The following BCL2L13 variants were observed in gnomAD, a reference collection of about 807,000 sequenced individuals.
BCL2L13 encodes BCL2 like 13, also known as bcl-2-like protein 13.
A neutral mutation model predicts 25.8 loss-of-function variants in BCL2L13; 13 were observed. That is an observed-to-expected ratio of 0.50 (90% CI 0.33 to 0.80). BCL2L13 has a LOEUF of 0.80. Ranked by LOEUF, BCL2L13 falls within the 30% of genes least tolerant of loss-of-function variation. The probability of loss-of-function intolerance (pLI) is 0.02; values close to 1 mark genes in which losing one functional copy is unlikely to be tolerated. For synonymous variants in BCL2L13, 244 were observed against 230.3 expected, an observed-to-expected ratio of 1.06 and a Z score of -0.54; for missense variants, 504 against 574.9, an observed-to-expected ratio of 0.88 and a Z score of 1.26.
In BCL2L13 at chr22:17,649,398, A is replaced by T. The variant is rs938112649; in HGVS notation, c.-50-6264A>T. Among the ~76,000 whole-genome samples the T allele has an allele frequency of 5.4e-5, 8 of 149,240 alleles. 1 individual carries two copies. Among genetic ancestry groups the T allele is most frequent in the East Asian group, 2.1e-4 (1 of 4,872 alleles). ...AGGCGTGAGCCATCACGCCGGGCCA[A>T]TTTTTTAATTTAAAGCATTTATTCA... On this transcript the variant is annotated intron_variant, in intron 1 of 6. Transcript: ENST00000317582.
chr22:17,662,970 C>T (rs1277729216), intron 2 of BCL2L13, among the ~76,000 whole-genome samples: 2 of 151,916 alleles, frequency 1.3e-5, no homozygotes, highest in East Asian at 1.9e-4. Context: ...CTGTTGGGCT[C>T]AAGCAATTCT....
intron 1 of BCL2L13, among the ~76,000 whole-genome samples, chr22:17,629,973 C>T (rs1359230396): frequency 6.6e-6 from 1 of 152,034 alleles, no homozygotes; most frequent in Non-Finnish European, 1.5e-5. Flanking sequence ...AATCCCACCA[C>T]TTTGGGAGGC....
At chr22:17,713,657 T>A (rs977520725) in intron 6 of BCL2L13, among the ~76,000 whole-genome samples, 2 of 151,662 alleles carry the variant, frequency 1.3e-5, no homozygotes, top group Non-Finnish European at 2.9e-5. Flanking sequence ...AGATGGGGTT[T>A]CACCATGTTG....
intron 1 of BCL2L13, among the ~76,000 whole-genome samples, chr22:17,633,431 G>T (rs1001925679): frequency 3.9e-5 from 6 of 152,120 alleles, no homozygotes; most frequent in African/African-American, 1.4e-4. Flanking sequence ...ACATTCTTAG[G>T]CCTTGTGGAG....
chr22:17,632,973 C>T (rs1028850332), intron 1 of BCL2L13, among the ~76,000 whole-genome samples: 1 of 151,978 alleles, frequency 6.6e-6, no homozygotes, highest in Non-Finnish European at 1.5e-5. Flanking sequence ...AGGTTGGTCT[C>T]GAACTCCTGG....
intron 3 of BCL2L13, chr22:17,684,730 A>AT (rs753863585): frequency 5.8e-6 from 2 of 346,882 alleles, no homozygotes; most frequent in Admixed American, 3.9e-5. Flanking sequence ...AACCTGGCTA[A>AT]TTTTTTGTAT....
intron 4 of BCL2L13, among the ~76,000 whole-genome samples, chr22:17,694,515 A>T (rs1253157209): frequency 6.6e-6 from 1 of 152,018 alleles, no homozygotes; most frequent in Non-Finnish European, 1.5e-5. Context: ...TTAAAAAAAA[A>T]AATTTTTTTT....
intron 2 of BCL2L13, among the ~76,000 whole-genome samples, chr22:17,681,870 G>T (rs1470516831): frequency 6.6e-6 from 1 of 152,142 alleles, no homozygotes; most frequent in African/African-American, 2.4e-5. Context: ...TTTCTTCCCT[G>T]TGTCTTGGTT....
intron 4 of BCL2L13, among the ~76,000 whole-genome samples, chr22:17,693,650 G>C (rs1048149486): frequency 2.0e-5 from 3 of 152,068 alleles, no homozygotes; most frequent in African/African-American, 7.2e-5. Flanking sequence ...AAAGTGCTGG[G>C]ATTACAGGCG....
intron 2 of BCL2L13, among the ~76,000 whole-genome samples, chr22:17,660,222 T>G (rs1173989613): frequency 6.8e-6 from 1 of 146,544 alleles, no homozygotes; most frequent in African/African-American, 2.4e-5. Context: ...GAAAATACTG[T>G]TTTTTTAACA....
chr22:17,687,225 T>G (rs1333818472), intron 3 of BCL2L13, among the ~76,000 whole-genome samples: 1 of 152,258 alleles, frequency 6.6e-6, no homozygotes, highest in African/African-American at 2.4e-5. Context: ...ATCGCATTTG[T>G]ACTCTGGAAC....
chr22:17,656,935 C>G (rs1380757308), intron 2 of BCL2L13, among the ~76,000 whole-genome samples: 1 of 152,166 alleles, frequency 6.6e-6, no homozygotes, highest in East Asian at 1.9e-4. Context: ...TCTCCTGCCT[C>G]AGCCTCTCAA....
upstream of BCL2L13, among the ~76,000 whole-genome samples, chr22:17,634,780 CA>C (rs1212081895): frequency 2.0e-5 from 3 of 149,540 alleles, no homozygotes. Flanking sequence ...CCTGCCTCTA[CA>C]AAAAAAAATT....
In BCL2L13 at chr22:17,670,607, C is replaced by T. The variant is rs530132139; in HGVS notation, c.122-12607C>T. ...CAGGCTGGTCTCAAGCCCCCGACCT[C>T]GGCTGCTTCGGCCTCCCAAAGTGCT... On this transcript the variant is annotated intron_variant, in intron 2 of 6. Coordinates refer to ENST00000317582, the MANE Select transcript of BCL2L13 (RefSeq NM_015367.4). 7.9e-5 allele frequency among the ~76,000 whole-genome samples: 12 copies of T among 152,154 alleles called. No homozygotes were observed. In the South Asian group the frequency reaches 1.9e-3, roughly 24 times the overall value.
At chr22:17,636,516 A>G (rs2058109417), upstream of BCL2L13, among the ~76,000 whole-genome samples, 1 of 151,854 alleles carries the variant, frequency 6.6e-6, no homozygotes, top group African/African-American at 2.4e-5. Flanking sequence ...AAGACCAGGC[A>G]TGGTGGCTCA....
At chr22:17,719,994 T>C (rs543664602) in intron 6 of BCL2L13, among the ~76,000 whole-genome samples, 2 of 152,254 alleles carry the variant, frequency 1.3e-5, no homozygotes, top group East Asian at 1.9e-4. Flanking sequence ...GAACGTAGAT[T>C]AGTGATTGCC....
chr22:17,678,698 G>C (rs1264841473), intron 2 of BCL2L13, among the ~76,000 whole-genome samples: 1 of 152,186 alleles, frequency 6.6e-6, no homozygotes, highest in Non-Finnish European at 1.5e-5. Context: ...AATGCTTGCT[G>C]TTGTCCTGCC....
At chr22:17,722,420 T>TGTGTGTGA in intron 6 of BCL2L13, among the ~76,000 whole-genome samples, 1 of 144,066 alleles carries the variant, frequency 6.9e-6, no homozygotes, top group Non-Finnish European at 1.5e-5. Flanking sequence ...TGTGTGTGTG[T>TGTGTGTGA]ATGTAGAGAT....
intron 2 of BCL2L13, among the ~76,000 whole-genome samples, chr22:17,661,045 T>A (rs1420321640): frequency 6.9e-6 from 1 of 145,950 alleles, no homozygotes; most frequent in East Asian, 1.9e-4. Flanking sequence ...TCCCAAGTGC[T>A]AAGATTACAG....
Sources: gnomAD v4.1 joint callset for allele counts (sites outside exome capture counted in the v4.1 genomes callset) on GRCh38, gnomAD v4.1.1 for gene constraint, MANE v1.5 for transcripts, NCBI Gene and HGNC (gene_info 2026-07-23, HGNC 2026-07-21) for gene names.